The following KCNH1 variants were observed in gnomAD, a reference collection of about 807,000 sequenced individuals.
KCNH1 encodes voltage-gated delayed rectifier potassium channel KCNH1.
In KCNH1, 27 loss-of-function variants were observed where a neutral mutation model predicts 69.2. The ratio of observed to expected loss-of-function variants is 0.39; its 90% CI spans 0.29 to 0.54. KCNH1 has a LOEUF of 0.54. Among genes scored for constraint, KCNH1 ranks in the 20% least tolerant of loss-of-function variants. The probability of loss-of-function intolerance (pLI) is 0.68; values close to 1 mark genes in which losing one functional copy is unlikely to be tolerated. For missense variants in KCNH1, 798 were observed against 1,261.6 expected (o/e 0.63, Z 5.57); for synonymous variants, 456 against 487.7 (o/e 0.93, Z 0.86).
Position 210,775,479 on chromosome 1 carries a change from C to A in KCNH1, c.1981G>T (p.Val661Phe). Residue 661 changes from valine to phenylalanine, a missense_variant, in exon 10 of 11, where the codon GTT becomes TTT. Around this residue, in one of 4 missense-constraint regions of KCNH1, gnomAD observed 197 missense variants for 407.7 expected, o/e 0.48. Coordinates refer to ENST00000271751, the MANE Select transcript of KCNH1 (RefSeq NM_172362.3). The part of the protein sequence containing the change: ...EATLAQSCAN[V>F]RALTYCDLHV... ...AGATCACAGTAGGTCAAGGCCCTAA[C>A]ATTGGCACAGGACTGGGCAAGGGTG... The A allele has an allele frequency of 6.2e-7, 1 of 1,614,106 alleles. No homozygotes were observed. Among genetic ancestry groups the A allele is most frequent in the Non-Finnish European group, 8.5e-7 (1 of 1,179,976 alleles).
At chr1:210,841,215 A>T (rs1685402528) in intron 7 of KCNH1, among the ~76,000 whole-genome samples, 1 of 152,194 alleles carries the variant, frequency 6.6e-6, no homozygotes, top group African/African-American at 2.4e-5. Flanking sequence ...CTCTCATCTC[A>T]GTTCCATGTT....
intron 6 of KCNH1, among the ~76,000 whole-genome samples, chr1:210,991,842 C>A (rs1182311048): frequency 6.6e-6 from 1 of 152,164 alleles, no homozygotes; most frequent in Non-Finnish European, 1.5e-5. Context: ...CACTGCCAGT[C>A]TGGTCTGACC....
intron 7 of KCNH1, among the ~76,000 whole-genome samples, chr1:210,812,095 C>G (rs1387450957): frequency 1.3e-5 from 2 of 152,182 alleles, no homozygotes; most frequent in Non-Finnish European, 2.9e-5. Flanking sequence ...TTTCTAGCTT[C>G]TATTGCAATT....
At chr1:210,780,041 C>T (rs1417226735) in intron 9 of KCNH1, among the ~76,000 whole-genome samples, 1 of 152,184 alleles carries the variant, frequency 6.6e-6, no homozygotes, top group African/African-American at 2.4e-5. Flanking sequence ...CAGCCAGCCA[C>T]TTGAGAAAGC....
intron 4 of KCNH1, among the ~76,000 whole-genome samples, chr1:211,088,154 T>C (rs1165003370): frequency 6.6e-6 from 1 of 152,324 alleles, no homozygotes; most frequent in East Asian, 1.9e-4. Flanking sequence ...TGGGAAAACA[T>C]CCCATGGGAC....
intron 6 of KCNH1, among the ~76,000 whole-genome samples, chr1:211,017,898 C>T (rs1486884902): frequency 1.3e-5 from 2 of 152,100 alleles, no homozygotes; most frequent in Admixed American, 6.5e-5. Context: ...GAAATAGGGC[C>T]TAATGGGAGG....
rs554479679 is a variant in KCNH1 at position 210,843,021 on chromosome 1, G to A, written c.1463-38855C>T. Reference sequence around the variant, plus strand: ...AACAAGCCAATAAGCCAAAGTTACAGAGAAAGTAGTCTTTCCTCTAAAATG... The same window carrying A: ...AACAAGCCAATAAGCCAAAGTTACAAAGAAAGTAGTCTTTCCTCTAAAATG... On this transcript the variant is annotated intron_variant, in intron 7 of 10. Coordinates refer to ENST00000271751, the MANE Select transcript of KCNH1 (RefSeq NM_172362.3). 6.6e-5 allele frequency among the ~76,000 whole-genome samples: 10 copies of A among 152,306 alleles called. No homozygotes were observed. The East Asian group carries it at 1.5e-3, about 23-fold the overall frequency.
At chr1:210,891,818 G>A (rs1203906840) in intron 7 of KCNH1, among the ~76,000 whole-genome samples, 1 of 152,122 alleles carries the variant, frequency 6.6e-6, no homozygotes, top group Admixed American at 6.5e-5. Flanking sequence ...CAACCCAAAT[G>A]CCTATCAGTG....
intron 6 of KCNH1, among the ~76,000 whole-genome samples, chr1:211,009,967 A>G (rs1689363405): frequency 6.6e-6 from 1 of 152,166 alleles, no homozygotes; most frequent in South Asian, 2.1e-4. Context: ...GGATCAGGGG[A>G]GAGTACGAGC....
intron 7 of KCNH1, among the ~76,000 whole-genome samples, chr1:210,837,663 C>G (rs181158976): frequency 8.5e-5 from 13 of 152,146 alleles, no homozygotes; most frequent in Non-Finnish European, 1.9e-4. Flanking sequence ...GTAGGAAGTA[C>G]AAGAACCTTG....
intron 6 of KCNH1, among the ~76,000 whole-genome samples, chr1:211,000,480 G>T (rs1242044751): frequency 6.6e-6 from 1 of 152,090 alleles, no homozygotes; most frequent in Non-Finnish European, 1.5e-5. Flanking sequence ...TCTTCAAGGA[G>T]AACTACAAAC....
chr1:210,707,553 C>A (rs1461480529), intron 10 of KCNH1, among the ~76,000 whole-genome samples: 1 of 152,196 alleles, frequency 6.6e-6, no homozygotes, highest in Non-Finnish European at 1.5e-5. Flanking sequence ...GATTCGTGCT[C>A]TTGGCAGGCA....
At chr1:210,793,240 A>C (rs952164560) in intron 9 of KCNH1, among the ~76,000 whole-genome samples, 8 of 152,210 alleles carry the variant, frequency 5.3e-5, no homozygotes, top group African/African-American at 1.9e-4. Context: ...CTCTGTCCTC[A>C]GAGAACATCA....
chr1:210,903,882 C>G (rs1218269800), intron 7 of KCNH1, among the ~76,000 whole-genome samples: 3 of 152,178 alleles, frequency 2.0e-5, no homozygotes, highest in African/African-American at 7.2e-5. Context: ...CTTGGGGACA[C>G]AAACAGAATT....
intron 6 of KCNH1, among the ~76,000 whole-genome samples, chr1:211,000,237 T>C (rs1354851720): frequency 6.6e-6 from 1 of 152,214 alleles, no homozygotes; most frequent in Admixed American, 6.5e-5. Flanking sequence ...TGTTTGCAGA[T>C]GTCATGATTG....
In KCNH1 at chr1:210,914,804, G is replaced by A. The variant is rs1687302142; in HGVS notation, c.1462+4836C>T. On this transcript the variant is annotated intron_variant, in intron 7 of 10. Transcript: ENST00000271751. ...AGGACCTAAAGTGGGAGGAGGACTG[G>A]GAAGAAAGAAATGAATTCAAAGAGA... is the stretch of plus-strand genomic sequence containing the variant. Among the ~76,000 whole-genome samples the A allele has an allele frequency of 2.1e-5, 3 of 143,528 alleles. No homozygotes were observed. The South Asian group carries it at 6.4e-4, about 30-fold the overall frequency. The allele number at this position is 143,528 out of a possible 152,430, so 94.2% of individuals were successfully genotyped here.
chr1:210,986,458 A>T (rs1425474944), intron 6 of KCNH1, among the ~76,000 whole-genome samples: 1 of 151,930 alleles, frequency 6.6e-6, no homozygotes, highest in Non-Finnish European at 1.5e-5. Flanking sequence ...TTCCTTCAGG[A>T]GCTCTTTTAG....
intron 6 of KCNH1, among the ~76,000 whole-genome samples, chr1:210,936,428 G>A (rs1030884322): frequency 6.6e-6 from 1 of 152,142 alleles, no homozygotes; most frequent in Non-Finnish European, 1.5e-5. Flanking sequence ...ACATCCTGGA[G>A]TTAATAGTAG....
intron 7 of KCNH1, among the ~76,000 whole-genome samples, chr1:210,853,396 G>A (rs892419512): frequency 1.3e-5 from 2 of 152,180 alleles, no homozygotes; most frequent in Admixed American, 1.3e-4. Context: ...GCTCCCCAGA[G>A]GCTTGGCCAC....
Sources: allele counts gnomAD v4.1 joint callset (sites outside exome capture counted in the v4.1 genomes callset), GRCh38; gene constraint gnomAD v4.1.1; regional missense constraint gnomAD v4.1.1; transcripts MANE v1.5; gene names NCBI Gene and HGNC (gene_info 2026-07-23, HGNC 2026-07-21).